The following IL16 variants were observed in gnomAD, a reference collection of about 807,000 sequenced individuals.
IL16 encodes pro-interleukin-16.
IL16 carries 67 observed loss-of-function variants against 110.1 expected under a neutral mutation model. The ratio of observed to expected loss-of-function variants is 0.61; its 90% CI spans 0.50 to 0.75. The LOEUF (loss-of-function observed/expected upper bound fraction) is 0.75, where lower values mean the gene tolerates loss of function less well. Ranked by LOEUF, IL16 falls within the 30% of genes least tolerant of loss-of-function variation. IL16 has a pLI of 0.00. For missense variants in IL16, 1,545 were observed against 1,655.0 expected (o/e 0.93, Z 1.15); for synonymous variants, 689 against 662.9 (o/e 1.04, Z -0.61).
At chr15:81,264,486 G>A (rs1287233980) in intron 3 of IL16, among the ~76,000 whole-genome samples, 1 of 152,112 alleles carries the variant, frequency 6.6e-6, no homozygotes, top group African/African-American at 2.4e-5. Context: ...CTATAAATAA[G>A]CTTAAGTCTT....
At chr15:81,306,220 T>A in intron 17 of IL16, 54 bp downstream of exon 17, 5 of 1,586,330 alleles carry the variant, frequency 3.2e-6, no homozygotes, top group Non-Finnish European at 4.3e-6. Context: ...CTTTGGCCAT[T>A]TGGGGCCAGA....
At chr15:81,253,284 A>G (rs1383302161) in intron 2 of IL16, among the ~76,000 whole-genome samples, 1 of 152,098 alleles carries the variant, frequency 6.6e-6, no homozygotes, top group East Asian at 1.9e-4. Context: ...AAAAATGTCT[A>G]TTCACATTTT....
At chr15:81,295,792 GT>G (rs1176075205) in intron 12 of IL16, among the ~76,000 whole-genome samples, 1 of 152,152 alleles carries the variant, frequency 6.6e-6, no homozygotes, top group Non-Finnish European at 1.5e-5. Flanking sequence ...CCTCCAAAAT[GT>G]TTATTGTCAA....
chr15:81,185,474 C>A (rs916745018), intron 1 of IL16, among the ~76,000 whole-genome samples: 4 of 151,824 alleles, frequency 2.6e-5, no homozygotes, highest in African/African-American at 7.3e-5. Flanking sequence ...TCCCACCTCA[C>A]CCTCCTTAGT....
At chr15:81,254,359 A>C (rs1897873654) in intron 2 of IL16, among the ~76,000 whole-genome samples, 1 of 152,210 alleles carries the variant, frequency 6.6e-6, no homozygotes, top group African/African-American at 2.4e-5. Context: ...AGAATTCTCC[A>C]TCTTCATTCT....
chr15:81,212,769 G>A (rs1896296745), intron 1 of IL16, among the ~76,000 whole-genome samples: 1 of 152,076 alleles, frequency 6.6e-6, no homozygotes. Context: ...ACCATGCCCG[G>A]CCCTTCTCTT....
Position 81,225,295 on chromosome 15 carries a change from C to G in IL16, c.-101-4C>G, listed in dbSNP as rs979543028. 1.3e-6 allele frequency: 2 copies of G among 1,523,910 alleles called. No homozygotes were observed. Among genetic ancestry groups the G allele is most frequent in the African/African-American group, 1.4e-5 (1 of 72,804 alleles). The allele number at this position is 1,523,910 out of a possible 1,614,324, so 94.4% of individuals were successfully genotyped here. ...TGCTTCTTCCCATTTCCTCTTTCCT[C>G]TAGGGACTCATGAAGTGGCAGCTAA... On this transcript the variant is annotated splice_region_variant and splice_polypyrimidine_tract_variant and intron_variant, in intron 1 of 18. Transcript: ENST00000683961.
In IL16 at chr15:81,208,001, A is replaced by G. The variant is rs530213186; in HGVS notation, c.-102+10849A>G. ...TAGTTTACATTCCCATCAACAGTGTATAAGCATTCCCTTTCCTCTGCAACC... is the reference window on the plus strand; with the variant it reads ...TAGTTTACATTCCCATCAACAGTGTGTAAGCATTCCCTTTCCTCTGCAACC... On this transcript the variant is annotated intron_variant, in intron 1 of 18. Transcript: ENST00000683961. 2.6e-5 allele frequency among the ~76,000 whole-genome samples: 4 copies of G among 152,334 alleles called. No individual in the cohort carries two copies. The East Asian group carries it at 7.7e-4, about 29-fold the overall frequency.
At chr15:81,226,254 G>A (rs985877641) in intron 2 of IL16, among the ~76,000 whole-genome samples, 2 of 152,196 alleles carry the variant, frequency 1.3e-5, no homozygotes, top group Non-Finnish European at 2.9e-5. Context: ...GCCATCAATA[G>A]GGGAGGGGGA....
chr15:81,305,656 C>G, intron 16 of IL16: 22 of 484,486 alleles, frequency 4.5e-5, no homozygotes, highest in South Asian at 1.3e-4. Flanking sequence ...CGTGGTGGTA[C>G]ACTATAGGAC....
intron 3 of IL16, among the ~76,000 whole-genome samples, chr15:81,261,679 T>C (rs953098097): frequency 6.6e-6 from 1 of 152,146 alleles, no homozygotes; most frequent in Non-Finnish European, 1.5e-5. Flanking sequence ...CCCCTCTGTG[T>C]ATGGCTCCTT....
Position 81,313,500 on chromosome 15 carries a change from C to A in IL16, c.*4702C>A. 1 of 1,214,970 alleles carries A rather than the reference C, an allele frequency of 8.2e-7. No homozygotes were observed. Among genetic ancestry groups the A allele is most frequent in the Non-Finnish European group, 1.1e-6 (1 of 905,746 alleles). 75.3% of individuals were successfully genotyped at this position (1,214,970 alleles called of 1,614,324 possible). On this transcript the variant is annotated 3_prime_UTR_variant, in exon 19 of 19. Coordinates refer to ENST00000683961, the MANE Select transcript of IL16 (RefSeq NM_172217.5). ...GCAGAGCCCAGCCCAGTGGAAATGG[C>A]CATGATACAGTGATCGCGTCTCATC...
At chr15:81,228,123 G>A (rs1002984969) in intron 2 of IL16, among the ~76,000 whole-genome samples, 12 of 152,116 alleles carry the variant, frequency 7.9e-5, no homozygotes, top group Non-Finnish European at 1.6e-4. Context: ...GCGAGGAGAG[G>A]TCTGAATGCT....
intron 2 of IL16, among the ~76,000 whole-genome samples, chr15:81,239,327 A>G (rs987985491): frequency 6.6e-6 from 1 of 152,142 alleles, no homozygotes; most frequent in Admixed American, 6.6e-5. Context: ...ATGGCATTTC[A>G]GTGTTCAGAG....
chr15:81,201,271 C>A (rs1361128268), intron 1 of IL16, among the ~76,000 whole-genome samples: 1 of 151,014 alleles, frequency 6.6e-6, no homozygotes, highest in East Asian at 1.9e-4. Flanking sequence ...ACACATACAC[C>A]CACACACATG....
intron 1 of IL16, among the ~76,000 whole-genome samples, chr15:81,222,178 C>G (rs547892362): frequency 1.3e-5 from 2 of 151,970 alleles, no homozygotes; most frequent in Non-Finnish European, 2.9e-5. Context: ...GACAAGAATG[C>G]GAGAGGCTGT....
intron 1 of IL16, among the ~76,000 whole-genome samples, chr15:81,199,644 C>T (rs1566990916): frequency 6.6e-6 from 1 of 152,126 alleles, no homozygotes; most frequent in Non-Finnish European, 1.5e-5. Flanking sequence ...CCTTGCTCAG[C>T]CAATAGGAGG....
intron 2 of IL16, among the ~76,000 whole-genome samples, chr15:81,259,320 T>C (rs1329171689): frequency 6.6e-6 from 1 of 152,212 alleles, no homozygotes; most frequent in Non-Finnish European, 1.5e-5. Flanking sequence ...AGGCTCCCTA[T>C]CCACATTGCT....
At chr15:81,193,477 C>T (rs1349896244), upstream of IL16, among the ~76,000 whole-genome samples, 1 of 152,062 alleles carries the variant, frequency 6.6e-6, no homozygotes, top group East Asian at 1.9e-4. Flanking sequence ...TGCTTGTGGA[C>T]TGGCTTCAGT....
Sources: allele counts gnomAD v4.1 joint callset (sites outside exome capture counted in the v4.1 genomes callset), GRCh38; gene constraint gnomAD v4.1.1; transcripts MANE v1.5; gene names NCBI Gene and HGNC (gene_info 2026-07-23, HGNC 2026-07-21).